ERICH3: variants seen among roughly 807,000 people sequenced by gnomAD.
ERICH3 encodes the protein glutamate-rich protein 3.
Under a neutral mutation model 131.1 loss-of-function variants are expected in ERICH3, and 126 were observed. That is an observed-to-expected ratio of 0.96 (90% confidence interval 0.83 to 1.11). The LOEUF is 1.11. Among genes scored for constraint, ERICH3 ranks in the 50% most tolerant of loss-of-function variants. ERICH3 has a pLI of 0.00. For missense variants in ERICH3, 2,050 were observed against 1,810.7 expected (o/e 1.13, Z -2.40); for synonymous variants, 695 against 644.6 (o/e 1.08, Z -1.18).
At chr1:74,628,841 T>C (rs191004087) in intron 7 of ERICH3, among the ~76,000 whole-genome samples, 122 of 152,210 alleles carry the variant, frequency 8.0e-4, no homozygotes, top group Non-Finnish European at 1.0e-3. Context: ...TATAAGACTT[T>C]CTAAACATTT....
chr1:74,597,565 A>C (rs1352002901), intron 11 of ERICH3, among the ~76,000 whole-genome samples: 1 of 151,980 alleles, frequency 6.6e-6, no homozygotes, highest in East Asian at 1.9e-4. Context: ...CAACGTTGCT[A>C]ATTATAGATT....
Position 74,619,785 on chromosome 1 carries a change from C to G in ERICH3, c.1000+949G>C, listed in dbSNP as rs549354892. Reference sequence around the variant, plus strand: ...AAAAACAGTTTCTGACATCATTGAGCATCATATTGTGTTTCACTTTAAGTT... The same window carrying G: ...AAAAACAGTTTCTGACATCATTGAGGATCATATTGTGTTTCACTTTAAGTT... On this transcript the variant is annotated intron_variant, in intron 8 of 14. Transcript: ENST00000326665. 5.3e-5 allele frequency among the ~76,000 whole-genome samples: 8 copies of G among 152,316 alleles called. No individual in the cohort carries two copies. The East Asian group carries it at 1.5e-3, about 29-fold the overall frequency.
chr1:74,641,036 T>C (rs1386454766), intron 5 of ERICH3, among the ~76,000 whole-genome samples: 1 of 152,120 alleles, frequency 6.6e-6, no homozygotes, highest in Non-Finnish European at 1.5e-5. Flanking sequence ...TCTGAGCTTT[T>C]CTGTAGGGAA....
chr1:74,598,933 TG>T (rs1647984916), intron 11 of ERICH3, among the ~76,000 whole-genome samples: 2 of 151,840 alleles, frequency 1.3e-5, no homozygotes, highest in African/African-American at 2.4e-5. Flanking sequence ...AACAATAAAT[TG>T]GCATACCATA....
rs746938882 is a variant in ERICH3 at position 74,572,419 on chromosome 1, T to C, written c.3291A>G (p.Lys1097=). ...CTGTTTCCCCTTCTTCCGCTTTAAG[T>C]TTTTGCTCTTCTTTAAAAGCATCTT... The part of the protein sequence containing the change: ...KDEDAFKEEQ[K]LKAEEGETET... The change falls in exon 14 of 15, where the codon AAA becomes AAG. Residue 1097 remains lysine (K), a synonymous_variant. Transcript: ENST00000326665. 5.0e-6 allele frequency: 8 copies of C among 1,613,886 alleles called. No homozygotes were observed. Among genetic ancestry groups the C allele is most frequent in the South Asian group, 2.2e-5 (2 of 91,070 alleles).
chr1:74,619,604 C>T (rs1432032011), intron 8 of ERICH3, among the ~76,000 whole-genome samples: 2 of 152,138 alleles, frequency 1.3e-5, no homozygotes, highest in Non-Finnish European at 2.9e-5. Context: ...GATTTGCTCT[C>T]GACTCTGGTC....
intron 6 of ERICH3, 47 bp downstream of exon 6, chr1:74,636,233 A>G: frequency 3.5e-6 from 5 of 1,445,574 alleles, no homozygotes; most frequent in Non-Finnish European, 4.7e-6. Flanking sequence ...ACCTATAATA[A>G]TCTACTCAAA....
chr1:74,623,186 C>A (rs888400079), intron 7 of ERICH3: 17 of 152,348 alleles, frequency 1.1e-4, no homozygotes, highest in Middle Eastern at 3.4e-3. Context: ...AGGCCTCATG[C>A]CCCTGCATAA....
At chr1:74,632,133 ATTT>A (rs1277103873) in intron 6 of ERICH3, among the ~76,000 whole-genome samples, 1 of 152,090 alleles carries the variant, frequency 6.6e-6, no homozygotes, top group Non-Finnish European at 1.5e-5. Flanking sequence ...TGTGTGGTAT[ATTT>A]TTTAACTAAC....
At chr1:74,667,510 A>C (rs1361451173) in intron 1 of ERICH3, among the ~76,000 whole-genome samples, 1 of 152,214 alleles carries the variant, frequency 6.6e-6, no homozygotes. Flanking sequence ...AGATTATTTC[A>C]GTACTACCTT....
At position 74,670,184 on chromosome 1, in the gene ERICH3, C is replaced by T. The variant is rs559129590; in HGVS notation, c.23+3313G>A. On this transcript the variant is annotated intron_variant, in intron 1 of 14. Coordinates refer to ENST00000326665, the MANE Select transcript of ERICH3 (RefSeq NM_001002912.5). ...ATAAATTACAACCAAAAAATGTATA[C>T]ACACACACTATTACGAAATTAGCCT... Among the ~76,000 whole-genome samples the T allele has an allele frequency of 9.5e-3, 1,441 of 152,144 alleles. 25 individuals are homozygous for T. The highest frequency in any genetic ancestry group is 0.033 in the African/African-American group (1,384 of 41,500).
chr1:74,617,453 A>G (rs1246752062), intron 8 of ERICH3, among the ~76,000 whole-genome samples: 3 of 152,222 alleles, frequency 2.0e-5, no homozygotes, highest in Non-Finnish European at 4.4e-5. Flanking sequence ...AATGTCCTCT[A>G]ACTGGGGAAT....
intron 1 of ERICH3, among the ~76,000 whole-genome samples, chr1:74,661,851 C>T (rs1295331003): frequency 6.6e-6 from 1 of 152,200 alleles, no homozygotes; most frequent in African/African-American, 2.4e-5. Context: ...AAGCTACATC[C>T]TTCTGACTCC....
intron 8 of ERICH3, among the ~76,000 whole-genome samples, chr1:74,615,726 G>T (rs528224890): frequency 1.8e-4 from 27 of 152,154 alleles, no homozygotes; most frequent in African/African-American, 6.0e-4. Flanking sequence ...TGAACTTTAG[G>T]TAATGGGAAT....
intron 1 of ERICH3, among the ~76,000 whole-genome samples, chr1:74,658,602 GA>G (rs1316109511): frequency 4.0e-5 from 6 of 151,778 alleles, no homozygotes; most frequent in Non-Finnish European, 7.4e-5. Context: ...ATTATACAAA[GA>G]AAAAAAATAA....
chr1:74,588,378 CTG>C (rs1277819458), intron 12 of ERICH3, among the ~76,000 whole-genome samples: 1 of 152,112 alleles, frequency 6.6e-6, no homozygotes. Context: ...GAGAGAAACT[CTG>C]TCTTACACAT....
Position 74,589,693 on chromosome 1 carries a change from C to T in ERICH3, c.2114G>A (p.Trp705Ter). The T allele has an allele frequency of 6.2e-7, 1 of 1,614,060 alleles. No homozygotes were observed. The highest frequency in any genetic ancestry group is 8.5e-7 in the Non-Finnish European group (1 of 1,179,956). The change falls in exon 12 of 15, where the codon TGG becomes TAG. Residue 705 changes from tryptophan to a stop codon, truncating the protein, a stop_gained. Transcript: ENST00000326665. LOFTEE classifies it high-confidence loss of function. ...CTTCACCTGAGCAGTGCTTTCTTCC[C>T]AAAGCTTACTCTTATCCTTTTCCTT... ...EEKEKDKSKL[W>*]EESTAQVKDK... is the part of the protein sequence containing the mutation.
intron 13 of ERICH3, among the ~76,000 whole-genome samples, chr1:74,574,539 C>T (rs577189982): frequency 6.6e-6 from 1 of 152,312 alleles, no homozygotes; most frequent in Admixed American, 6.5e-5. Context: ...TTACCTCTCA[C>T]CTGTGTTCAG....
At chr1:74,598,137 C>T (rs548747621) in intron 11 of ERICH3, among the ~76,000 whole-genome samples, 13 of 151,848 alleles carry the variant, frequency 8.6e-5, no homozygotes, top group Non-Finnish European at 1.5e-4. Flanking sequence ...TTCTCTCTTT[C>T]TCCCATCTTA....
Sources: allele counts gnomAD v4.1 joint callset (sites outside exome capture counted in the v4.1 genomes callset), GRCh38; gene constraint gnomAD v4.1.1; transcripts MANE v1.5; gene names NCBI Gene and HGNC (gene_info 2026-07-23, HGNC 2026-07-21).